LRRC4C: variants seen among roughly 807,000 people sequenced by gnomAD.
LRRC4C encodes leucine rich repeat containing 4C.
In LRRC4C, 5 loss-of-function variants were observed where a neutral mutation model predicts 33.6. The observed-to-expected ratio is 0.15, with a 90% CI of 0.08 to 0.31. The LOEUF (loss-of-function observed/expected upper bound fraction) is 0.31, where lower values mean the gene tolerates loss of function less well. LRRC4C is among the 10% of genes least tolerant of loss of function. LRRC4C has a pLI of 1.00. For missense variants in LRRC4C, 560 were observed against 796.7 expected (o/e 0.70, Z 3.58); for synonymous variants, 329 against 302.0 (o/e 1.09, Z -0.93).
At chr11:41,094,420 A>G (rs1262037199) in intron 1 of LRRC4C, among the ~76,000 whole-genome samples, 1 of 151,952 alleles carries the variant, frequency 6.6e-6, no homozygotes, top group Non-Finnish European at 1.5e-5. Context: ...GCTACTCGGG[A>G]GGCTGAGGCA....
At chr11:41,414,260 A>G (rs1954597216) in intron 1 of LRRC4C, among the ~76,000 whole-genome samples, 2 of 152,158 alleles carry the variant, frequency 1.3e-5, no homozygotes, top group African/African-American at 4.8e-5. Flanking sequence ...AAAAAAGAAG[A>G]GGCAAGATTC....
At chr11:41,394,598 T>C (rs1436997870) in intron 1 of LRRC4C, 1 of 151,912 alleles carries the variant, frequency 6.6e-6, no homozygotes, top group Admixed American at 6.6e-5. Flanking sequence ...AACACCAACT[T>C]GAAAGATAGG....
chr11:41,249,598 C>T (rs144985164), intron 1 of LRRC4C, among the ~76,000 whole-genome samples: 1 of 152,150 alleles, frequency 6.6e-6, no homozygotes, highest in Non-Finnish European at 1.5e-5. Context: ...CAGGTTCACA[C>T]CAAGCTCCTT....
At chr11:40,609,946 TGA>T (rs1440124708) in intron 3 of LRRC4C, among the ~76,000 whole-genome samples, 1 of 151,972 alleles carries the variant, frequency 6.6e-6, no homozygotes, top group African/African-American at 2.4e-5. Flanking sequence ...GCTTCACTGG[TGA>T]ATTCTACCAA....
chr11:40,485,987 CT>C (rs1281315556), intron 3 of LRRC4C, among the ~76,000 whole-genome samples: 1 of 151,670 alleles, frequency 6.6e-6, no homozygotes, highest in South Asian at 2.1e-4. Context: ...ACACCGAGGC[CT>C]ATGGGAAGGT....
chr11:41,196,526 A>G (rs929047448), intron 1 of LRRC4C, among the ~76,000 whole-genome samples: 1 of 152,082 alleles, frequency 6.6e-6, no homozygotes, highest in African/African-American at 2.4e-5. Context: ...ATTGTTAAAT[A>G]GAAGAGGAAT....
chr11:40,231,179 C>A (rs920895969), intron 5 of LRRC4C, among the ~76,000 whole-genome samples: 1 of 152,064 alleles, frequency 6.6e-6, no homozygotes, highest in Middle Eastern at 3.2e-3. Flanking sequence ...CCAAACTTGG[C>A]AACAACAGAG....
At chr11:40,870,196 CTT>C (rs1368560598) in intron 2 of LRRC4C, among the ~76,000 whole-genome samples, 4 of 152,240 alleles carry the variant, frequency 2.6e-5, no homozygotes, top group African/African-American at 4.8e-5. Flanking sequence ...TATTAATAGT[CTT>C]TTTATCTGCA....
At chr11:41,011,454 A>T (rs1855171915) in intron 1 of LRRC4C, among the ~76,000 whole-genome samples, 1 of 152,184 alleles carries the variant, frequency 6.6e-6, no homozygotes, top group South Asian at 2.1e-4. Flanking sequence ...AAAATTATTA[A>T]AATGGATTCT....
At chr11:40,159,358 C>G (rs1026228143) in intron 5 of LRRC4C, among the ~76,000 whole-genome samples, 1 of 152,152 alleles carries the variant, frequency 6.6e-6, no homozygotes, top group African/African-American at 2.4e-5. Context: ...AAAGCGAACT[C>G]TCAGCGATCT....
At chr11:40,845,012 A>G (rs1256184223) in intron 2 of LRRC4C, among the ~76,000 whole-genome samples, 1 of 152,004 alleles carries the variant, frequency 6.6e-6, no homozygotes, top group Non-Finnish European at 1.5e-5. Flanking sequence ...AAATGTATAC[A>G]TATTTTAAAA....
At chr11:40,972,405 G>T (rs1851789756) in intron 1 of LRRC4C, among the ~76,000 whole-genome samples, 3 of 152,080 alleles carry the variant, frequency 2.0e-5, no homozygotes, top group African/African-American at 7.2e-5. Flanking sequence ...CCAAAGTGCT[G>T]GGATTACAGG....
At chr11:40,886,919 T>C (rs1955486766) in intron 2 of LRRC4C, among the ~76,000 whole-genome samples, 1 of 150,014 alleles carries the variant, frequency 6.7e-6, no homozygotes, top group South Asian at 2.1e-4. Context: ...ACACAGCAAA[T>C]ATTTATATAT....
chr11:41,176,028 A>AT (rs567946490), intron 1 of LRRC4C, among the ~76,000 whole-genome samples: 1,552 of 151,284 alleles, frequency 0.01, 26 homozygotes, highest in African/African-American at 0.035. Flanking sequence ...ATAATAGAAT[A>AT]TTTTTTTTTC....
chr11:40,467,146 A>C (rs564532135), intron 3 of LRRC4C, among the ~76,000 whole-genome samples: 54 of 152,210 alleles, frequency 3.5e-4, no homozygotes, highest in Admixed American at 6.6e-4. Context: ...ATGGACTCTT[A>C]GACTGCCTCA....
intron 3 of LRRC4C, among the ~76,000 whole-genome samples, chr11:40,436,017 C>T (rs1402136285): frequency 2.6e-5 from 4 of 152,070 alleles, no homozygotes; most frequent in Non-Finnish European, 4.4e-5. Context: ...ACATTTTTTC[C>T]TCTACTTAAT....
intron 3 of LRRC4C, among the ~76,000 whole-genome samples, chr11:40,414,327 T>TA (rs897148338): frequency 2.8e-4 from 42 of 149,708 alleles, no homozygotes; most frequent in South Asian, 8.5e-4. Context: ...TATTTTTGGC[T>TA]AAAAAAAAAA....
chr11:40,546,657 G>A (rs539485763), intron 3 of LRRC4C, among the ~76,000 whole-genome samples: 9 of 152,196 alleles, frequency 5.9e-5, no homozygotes, highest in Middle Eastern at 3.4e-3. Flanking sequence ...TTGCTAAAAT[G>A]GAGAAATAAG....
chr11:41,163,774 G>A (rs1203673496), intron 1 of LRRC4C, among the ~76,000 whole-genome samples: 3 of 151,090 alleles, frequency 2.0e-5, no homozygotes, highest in Non-Finnish European at 2.9e-5. Context: ...AACACTCCAA[G>A]CAAATTTTTA....
Sources: allele counts gnomAD v4.1 joint callset (sites outside exome capture counted in the v4.1 genomes callset), GRCh38; gene constraint gnomAD v4.1.1; transcripts MANE v1.5; gene names NCBI Gene and HGNC (gene_info 2026-07-23, HGNC 2026-07-21).